Variants in XRN1 observed in about 807,000 individuals in gnomAD.
XRN1 encodes strand-exchange protein 1 homolog.
In XRN1, 67 loss-of-function variants were observed where a neutral mutation model predicts 222.3. That is an observed-to-expected ratio of 0.30 (90% confidence interval 0.25 to 0.37). The LOEUF (loss-of-function observed/expected upper bound fraction) is 0.37. Among genes scored for constraint, XRN1 ranks in the 10% least tolerant of loss-of-function variants. The probability of loss-of-function intolerance (pLI) is 1.00; values close to 1 mark genes in which losing one functional copy is unlikely to be tolerated. For synonymous variants in XRN1, 643 were observed against 652.4 expected, an observed-to-expected ratio of 0.99 and a Z score of 0.22; for missense variants, 1,707 against 2,000.2, an observed-to-expected ratio of 0.85 and a Z score of 2.80.
At chr3:142,413,748 C>T (rs1431939282) in intron 14 of XRN1, among the ~76,000 whole-genome samples, 1 of 152,076 alleles carries the variant, frequency 6.6e-6, no homozygotes, top group Non-Finnish European at 1.5e-5. Context: ...GGATAAATGA[C>T]TTATTAGAAC....
At chr3:142,335,145 G>C (rs983574792) in intron 34 of XRN1, among the ~76,000 whole-genome samples, 3 of 152,058 alleles carry the variant, frequency 2.0e-5, no homozygotes, top group Non-Finnish European at 4.4e-5. Flanking sequence ...CTGGACAAGT[G>C]ATTAATATTT....
intron 29 of XRN1, among the ~76,000 whole-genome samples, chr3:142,361,878 T>C (rs751033139): frequency 6.8e-6 from 1 of 148,146 alleles, no homozygotes; most frequent in African/African-American, 2.5e-5. Context: ...TCTGTAATGG[T>C]GTCTTTTGAA....
At chr3:142,437,873 A>C (rs1375781757) in intron 1 of XRN1, among the ~76,000 whole-genome samples, 1 of 152,218 alleles carries the variant, frequency 6.6e-6, no homozygotes, top group African/African-American at 2.4e-5. Context: ...TCCAATCAAA[A>C]ATGGGCAAAA....
chr3:142,362,911 C>T (rs2066692900), intron 29 of XRN1, among the ~76,000 whole-genome samples: 1 of 151,674 alleles, frequency 6.6e-6, no homozygotes, highest in South Asian at 2.1e-4. Flanking sequence ...GCTGGGAGTA[C>T]AGGTGCACAA....
At chr3:142,422,453 G>A (rs1044536280) in intron 8 of XRN1, 129 bp downstream of exon 8, 104 of 1,003,574 alleles carry the variant, frequency 1.0e-4, no homozygotes, top group Non-Finnish European at 1.2e-4. Context: ...TAGCACCTTA[G>A]ACCAAAATAA....
intron 15 of XRN1, among the ~76,000 whole-genome samples, chr3:142,409,025 C>G (rs1319448400): frequency 6.6e-6 from 1 of 152,100 alleles, no homozygotes; most frequent in East Asian, 1.9e-4. Context: ...AAATATTTTG[C>G]CATTTAAAAA....
intron 20 of XRN1, among the ~76,000 whole-genome samples, chr3:142,396,245 G>C (rs2067926242): frequency 6.6e-6 from 1 of 151,984 alleles, no homozygotes; most frequent in Non-Finnish European, 1.5e-5. Context: ...TACTTTGAAT[G>C]ATTTTTTTTT....
At chr3:142,383,181 G>T (rs2067365809) in intron 22 of XRN1, 119 bp downstream of exon 22, 1 of 799,888 alleles carries the variant, frequency 1.3e-6, no homozygotes, top group Non-Finnish European at 2.0e-6. Context: ...AAGTTACATG[G>T]ATAAATTCTT....
intron 19 of XRN1, among the ~76,000 whole-genome samples, chr3:142,399,588 C>T (rs1424736918): frequency 1.3e-5 from 2 of 151,876 alleles, no homozygotes; most frequent in Non-Finnish European, 2.9e-5. Context: ...ATAAATTGGA[C>T]TTCATCAGAA....
chr3:142,319,928 A>G lies in XRN1; in HGVS notation c.4405-1025T>C, dbSNP rs112222344. ...TGTATACACACACACACACACACAC[A>G]CACGCACGCACACATACCCACACAC... On this transcript the variant is annotated intron_variant, in intron 37 of 40. Transcript: ENST00000392981. Among the ~76,000 whole-genome samples the G allele has an allele frequency of 1.6e-3, 240 of 152,078 alleles. 1 individual carries two copies. Among genetic ancestry groups the G allele is most frequent in the African/African-American group, 4.6e-3 (189 of 41,444 alleles).
intron 29 of XRN1, among the ~76,000 whole-genome samples, chr3:142,361,474 C>G (rs920463925): frequency 8.5e-5 from 13 of 152,204 alleles, no homozygotes. Context: ...TTACCTACAT[C>G]ATGATAGCCC....
intron 20 of XRN1, among the ~76,000 whole-genome samples, chr3:142,393,644 G>A (rs568195229): frequency 1.1e-4 from 17 of 152,224 alleles, no homozygotes; most frequent in Non-Finnish European, 1.5e-4. Context: ...GTAGATATGC[G>A]TAAGCCAGCA....
At chr3:142,322,483 G>A (rs1320346868) in intron 37 of XRN1, among the ~76,000 whole-genome samples, 5 of 152,086 alleles carry the variant, frequency 3.3e-5, no homozygotes, top group South Asian at 2.1e-4. Flanking sequence ...GGTCAGGAGC[G>A]TGAGACTAGC....
chr3:142,393,250 A>C (rs576731968), intron 20 of XRN1, among the ~76,000 whole-genome samples: 1 of 147,562 alleles, frequency 6.8e-6, no homozygotes, highest in Non-Finnish European at 1.5e-5. Flanking sequence ...AGTAGGTTGC[A>C]AAAATTTTCT....
chr3:142,320,428 G>GT (rs1470719989), intron 37 of XRN1, among the ~76,000 whole-genome samples: 7 of 152,112 alleles, frequency 4.6e-5, no homozygotes, highest in African/African-American at 1.7e-4. Context: ...GGGGTTATCT[G>GT]TTTTTTACTT....
Position 142,356,905 on chromosome 3 carries a change from G to A in XRN1, c.3672+7C>T, listed in dbSNP as rs775058619. 1 of 1,613,104 alleles carries A rather than the reference G, an allele frequency of 6.2e-7. No individual in the cohort carries two copies. ...GTAGAGGAGAAGTTAAAGACTGAGA[G>A]TCTTACTTGAGTAGGAACAAAAAGT... On this transcript the variant is annotated splice_region_variant and intron_variant, in intron 31 of 40. Coordinates refer to ENST00000392981, the MANE Select transcript of XRN1 (RefSeq NM_001282857.2).
intron 3 of XRN1, among the ~76,000 whole-genome samples, chr3:142,425,975 A>T (rs982825684): frequency 3.9e-5 from 6 of 152,138 alleles, no homozygotes; most frequent in Non-Finnish European, 7.4e-5. Flanking sequence ...ATTATTCTGA[A>T]AAATTATTAT....
In XRN1 at chr3:142,385,615, A is replaced by C. The variant is rs75494337; in HGVS notation, c.2340-930T>G. Reference sequence around the variant, plus strand: ...AGTTGTGACAGACATTGTAAAGTCTACAAAGCCTAAAATATTTACTATTTG... The same window carrying C: ...AGTTGTGACAGACATTGTAAAGTCTCCAAAGCCTAAAATATTTACTATTTG... On this transcript the variant is annotated intron_variant, in intron 20 of 40. Transcript: ENST00000392981. Among the ~76,000 whole-genome samples the C allele has an allele frequency of 8.3e-3, 1,269 of 152,294 alleles. 19 individuals are homozygous for C. Among genetic ancestry groups the C allele is most frequent in the African/African-American group, 0.028 (1,160 of 41,570 alleles).
In XRN1 at chr3:142,423,815, A is replaced by G. The variant is rs181023114; in HGVS notation, c.628-173T>C. ...GTAGGTAATGAATGAGATAAAGTGT[A>G]CTTTTCTAAGAAAAATATGTTCACC... is the stretch of plus-strand genomic sequence containing the variant. On this transcript the variant is annotated intron_variant, in intron 5 of 40. Transcript: ENST00000392981. 3.3e-5 allele frequency among the ~76,000 whole-genome samples: 5 copies of G among 152,334 alleles called. No individual in the cohort carries two copies. In the East Asian group the frequency reaches 9.6e-4, roughly 29 times the overall value.
Sources: gnomAD v4.1 joint callset for allele counts (sites outside exome capture counted in the v4.1 genomes callset) on GRCh38, gnomAD v4.1.1 for gene constraint, MANE v1.5 for transcripts, NCBI Gene and HGNC (gene_info 2026-07-23, HGNC 2026-07-21) for gene names.